The following WWP2 variants were observed in gnomAD, a reference collection of about 807,000 sequenced individuals.
WWP2 encodes the protein WW domain containing E3 ubiquitin protein ligase 2.
A neutral mutation model predicts 121.0 loss-of-function variants in WWP2; 57 were observed. That is an observed-to-expected ratio of 0.47 (90% CI 0.38 to 0.59). WWP2 has a LOEUF of 0.59. Among genes scored for constraint, WWP2 ranks in the 20% least tolerant of loss-of-function variants. The pLI, the probability that WWP2 is intolerant of heterozygous loss-of-function variation, is 0.00. For missense variants in WWP2, 962 were observed against 1,158.9 expected, an observed-to-expected ratio of 0.83 and a Z score of 2.47; for synonymous variants, 449 against 441.3, an observed-to-expected ratio of 1.02 and a Z score of -0.22.
chr16:69,825,474 GA>G (rs1252461321), intron 4 of WWP2, among the ~76,000 whole-genome samples: 1 of 151,860 alleles, frequency 6.6e-6, no homozygotes, highest in Non-Finnish European at 1.5e-5. Flanking sequence ...GATACCATGG[GA>G]AAGGCTTTGG....
intron 6 of WWP2, among the ~76,000 whole-genome samples, chr16:69,866,212 G>T (rs936718093): frequency 6.6e-6 from 1 of 152,116 alleles, no homozygotes; most frequent in South Asian, 2.1e-4. Context: ...CTTTAGAAGA[G>T]CAGGAGTTTA....
intron 4 of WWP2, among the ~76,000 whole-genome samples, chr16:69,839,291 C>G (rs1184106234): frequency 6.6e-6 from 1 of 152,158 alleles, no homozygotes; most frequent in Non-Finnish European, 1.5e-5. Flanking sequence ...GGCCATAGCT[C>G]CTGGCTGGAC....
intron 4 of WWP2, among the ~76,000 whole-genome samples, chr16:69,803,305 C>T (rs1246232713): frequency 1.3e-5 from 2 of 151,506 alleles, no homozygotes; most frequent in East Asian, 3.9e-4. Flanking sequence ...TAAAACAGGA[C>T]ATTTTCTTTA....
At chr16:69,804,677 C>G (rs1332140944) in intron 4 of WWP2, among the ~76,000 whole-genome samples, 1 of 151,882 alleles carries the variant, frequency 6.6e-6, no homozygotes, top group African/African-American at 2.4e-5. Flanking sequence ...CTAGATGAAC[C>G]TTAACAGTTT....
At chr16:69,911,224 G>A (rs1469499502) in intron 9 of WWP2, among the ~76,000 whole-genome samples, 1 of 152,240 alleles carries the variant, frequency 6.6e-6, no homozygotes, top group Non-Finnish European at 1.5e-5. Flanking sequence ...AAACTTGTAT[G>A]AGAATGGGTC....
At chr16:69,904,830 G>A (rs529064578) in intron 8 of WWP2, among the ~76,000 whole-genome samples, 5 of 152,308 alleles carry the variant, frequency 3.3e-5, no homozygotes, top group African/African-American at 9.6e-5. Context: ...AAGAATGCCC[G>A]GGAGAGAAAA....
At chr16:69,805,779 CTTT>C (rs77530869) in intron 4 of WWP2, among the ~76,000 whole-genome samples, 1 of 130,642 alleles carries the variant, frequency 7.7e-6, no homozygotes. Context: ...AATTTTTTTT[CTTT>C]TTTTTTTTTT....
intron 1 of WWP2, among the ~76,000 whole-genome samples, chr16:69,768,256 C>T (rs1265052839): frequency 6.6e-6 from 1 of 152,102 alleles, no homozygotes; most frequent in African/African-American, 2.4e-5. Context: ...GTTTTTCACC[C>T]CACCGCAGTT....
intron 2 of WWP2, among the ~76,000 whole-genome samples, chr16:69,796,569 A>T (rs1451245624): frequency 6.6e-6 from 1 of 152,240 alleles, no homozygotes; most frequent in Non-Finnish European, 1.5e-5. Context: ...TCAAAATTTA[A>T]AATACAGTTT....
chr16:69,938,383 C>T (rs867752827), intron 21 of WWP2, among the ~76,000 whole-genome samples: 2 of 152,120 alleles, frequency 1.3e-5, no homozygotes, highest in African/African-American at 2.4e-5. Flanking sequence ...CCACCCAGGC[C>T]GAGGTGGGCA....
chr16:69,819,623 G>A (rs890173281), intron 4 of WWP2, among the ~76,000 whole-genome samples: 14 of 152,148 alleles, frequency 9.2e-5, no homozygotes, highest in Admixed American at 5.2e-4. Flanking sequence ...GACTAGGCTG[G>A]TCTTGAACTC....
intron 6 of WWP2, among the ~76,000 whole-genome samples, chr16:69,858,711 A>G (rs1443724208): frequency 2.0e-5 from 3 of 152,188 alleles, no homozygotes; most frequent in Admixed American, 2.0e-4. Context: ...AGAAGAATTG[A>G]CACATAAATA....
chr16:69,914,863 C>A (rs2058456369), intron 9 of WWP2, among the ~76,000 whole-genome samples: 2 of 152,188 alleles, frequency 1.3e-5, no homozygotes, highest in Admixed American at 1.3e-4. Flanking sequence ...TTCTGGGCTT[C>A]AAAAAATTAA....
chr16:69,903,660 C>A (rs1441783803), intron 8 of WWP2, among the ~76,000 whole-genome samples: 1 of 151,152 alleles, frequency 6.6e-6, no homozygotes, highest in Non-Finnish European at 1.5e-5. Flanking sequence ...CCCAGCTACT[C>A]AGGAGGCTGA....
intron 1 of WWP2, among the ~76,000 whole-genome samples, chr16:69,779,994 A>G (rs1179938108): frequency 6.6e-6 from 1 of 152,154 alleles, no homozygotes; most frequent in Non-Finnish European, 1.5e-5. Flanking sequence ...ACATTTTGCC[A>G]TATTTGCCCC....
rs1215506414 is a variant in WWP2 at position 69,888,258 on chromosome 16, T to C, written c.914+9T>C. On this transcript the variant is annotated intron_variant, in intron 8 of 23. Coordinates refer to ENST00000359154, the MANE Select transcript of WWP2 (RefSeq NM_001270454.2). ...GACGCTCTGCCTGCTGGGTGAGTAG[T>C]CTTCTGTCCCATAACAGATCTCTCC... 1 of 1,613,328 alleles carries C rather than the reference T, an allele frequency of 6.2e-7. No individual in the cohort carries two copies. The highest frequency in any genetic ancestry group is 1.1e-5 in the South Asian group (1 of 91,004).
chr16:69,891,030 G>T (rs563766871), intron 8 of WWP2, among the ~76,000 whole-genome samples: 1 of 152,216 alleles, frequency 6.6e-6, no homozygotes, highest in East Asian at 1.9e-4. Flanking sequence ...TGGCTTCCAC[G>T]TGCTCTTCTC....
chr16:69,764,930 A>G (rs1395685598), intron 1 of WWP2, among the ~76,000 whole-genome samples: 1 of 152,272 alleles, frequency 6.6e-6, no homozygotes, highest in Non-Finnish European at 1.5e-5. Flanking sequence ...TTGGTCAGAC[A>G]TGGTGGCTCA....
rs1567447605 is a variant in WWP2, at chr16:69,937,388, G to A, written c.2238+150G>A. Reference sequence around the variant, plus strand: ...TTGATTTGGGACCCACCCTTCCCCAGACACTTGTTTCAAGAAAGCAGGGAC... The same window carrying A: ...TTGATTTGGGACCCACCCTTCCCCAAACACTTGTTTCAAGAAAGCAGGGAC... On this transcript the variant is annotated intron_variant, in intron 20 of 23. Transcript: ENST00000359154. This position sits in a 1 kb window ranked among gnomAD's most constrained non-coding sequence, Gnocchi z 6.6. 2 of 1,426,784 alleles carry A rather than the reference G, an allele frequency of 1.4e-6. No homozygotes were observed. Among genetic ancestry groups the A allele is most frequent in the East Asian group, 4.8e-5 (2 of 41,576 alleles). The allele number at this position is 1,426,784 out of a possible 1,614,324, so 88.4% of individuals were successfully genotyped here. A position where few individuals can be genotyped will look rare whatever the true frequency, so the allele number is the denominator to read the frequency against.
Sources: allele counts gnomAD v4.1 joint callset (sites outside exome capture counted in the v4.1 genomes callset), GRCh38; gene constraint gnomAD v4.1.1; non-coding constraint Gnocchi (gnomAD v3.1); transcripts MANE v1.5; gene names NCBI Gene and HGNC (gene_info 2026-07-23, HGNC 2026-07-21).